Variants in ADAMTS2 observed in about 807,000 individuals in gnomAD.
ADAMTS2 encodes the protein ADAM metallopeptidase with thrombospondin type 1 motif 2.
Under a neutral mutation model 123.0 loss-of-function variants are expected in ADAMTS2, and 50 were observed. The ratio of observed to expected loss-of-function variants is 0.41; its 90% CI spans 0.32 to 0.51. The LOEUF is 0.51. ADAMTS2 is among the 20% of genes least tolerant of loss of function. The pLI is 0.35. For missense variants in ADAMTS2, 1,494 were observed against 1,705.2 expected (o/e 0.88, Z 2.18); for synonymous variants, 678 against 695.4 (o/e 0.98, Z 0.39).
Position 179,228,413 on chromosome 5 carries a change from C to T in ADAMTS2, c.689-20698G>A, listed in dbSNP as rs948085075. ...GCACCAGCCTGTTTTCTTGTCCTCT[C>T]CAGCCAGCAGGGCAGAATTGGGGGT... On this transcript the variant is annotated intron_variant, in intron 3 of 21. Transcript: ENST00000251582. This position sits in a 1 kb window ranked among gnomAD's most constrained non-coding sequence, Gnocchi z 5.2. 2.0e-5 allele frequency among the ~76,000 whole-genome samples: 3 copies of T among 152,206 alleles called. No individual in the cohort carries two copies. The East Asian group carries it at 5.8e-4, about 29-fold the overall frequency.
At chr5:179,182,908 C>T (rs757486200) in intron 4 of ADAMTS2, among the ~76,000 whole-genome samples, 1 of 152,156 alleles carries the variant, frequency 6.6e-6, no homozygotes, top group African/African-American at 2.4e-5. Flanking sequence ...CAAGATGGAG[C>T]TCCGAGGAGG....
chr5:179,188,061 C>A lies in ADAMTS2; in HGVS notation c.892-6906G>T, dbSNP rs996486044. On this transcript the variant is annotated intron_variant, in intron 4 of 21. Transcript: ENST00000251582. The surrounding 1 kb of genome is among the most constrained non-coding windows in gnomAD (Gnocchi z 5.1). ...GGGTGCAGAAAGGGGGGAACCGGTG[C>A]AGGCTCCCTACTGGGGAGGCCTACT... Among the ~76,000 whole-genome samples, 1 of 152,112 alleles carries A rather than the reference C, an allele frequency of 6.6e-6. No individual in the cohort carries two copies. The highest frequency in any genetic ancestry group is 2.4e-5 in the African/African-American group (1 of 41,434).
chr5:179,302,778 A>G (rs1309644512), intron 2 of ADAMTS2, among the ~76,000 whole-genome samples: 1 of 151,712 alleles, frequency 6.6e-6, no homozygotes, highest in African/African-American at 2.4e-5. Context: ...GGCCTAAATG[A>G]TTGGAAAGAG....
intron 2 of ADAMTS2, among the ~76,000 whole-genome samples, chr5:179,341,042 C>T (rs78032198): frequency 1.3e-5 from 2 of 152,194 alleles, no homozygotes; most frequent in Non-Finnish European, 2.9e-5. Flanking sequence ...CGTCTAGTCA[C>T]TCAACCTCCC....
chr5:179,231,829 C>T (rs923849069), intron 3 of ADAMTS2, among the ~76,000 whole-genome samples: 1 of 150,364 alleles, frequency 6.7e-6, no homozygotes, highest in African/African-American at 2.5e-5. Flanking sequence ...GGGGTAGGAT[C>T]ACTTGAGTAC....
intron 5 of ADAMTS2, among the ~76,000 whole-genome samples, chr5:179,161,689 A>G (rs1012934611): frequency 4.6e-5 from 7 of 152,216 alleles, no homozygotes; most frequent in African/African-American, 1.4e-4. Context: ...TGGACTTTGA[A>G]TGTTCCCAAC....
chr5:179,269,002 CTT>C (rs1227695862), intron 3 of ADAMTS2, among the ~76,000 whole-genome samples: 14 of 152,180 alleles, frequency 9.2e-5, no homozygotes, highest in Non-Finnish European at 1.6e-4. Flanking sequence ...CAGTAAGGCT[CTT>C]GAGATGAGAA....
At chr5:179,326,201 C>CGTGTGT (rs60626964) in intron 2 of ADAMTS2, among the ~76,000 whole-genome samples, 18,486 of 148,600 alleles carry the variant, frequency 0.12, 1,628 homozygotes, top group East Asian at 0.4. Flanking sequence ...TTTGTGTGTG[C>CGTGTGT]GTGTGTGTGT....
intron 20 of ADAMTS2, 53 bp downstream of exon 20, chr5:179,122,591 C>G (rs994072278): frequency 1.3e-5 from 20 of 1,541,300 alleles, no homozygotes; most frequent in Non-Finnish European, 1.7e-5. Flanking sequence ...CTGACACCCC[C>G]GCCCTGGGCT....
intron 5 of ADAMTS2, among the ~76,000 whole-genome samples, chr5:179,177,360 C>A (rs1007925929): frequency 7.9e-5 from 12 of 152,194 alleles, no homozygotes; most frequent in African/African-American, 2.7e-4. Context: ...TGAGACAGGT[C>A]TGTACTTTGT....
chr5:179,152,401 TG>T (rs1763378945), intron 9 of ADAMTS2, 146 bp from the exon 10 acceptor site: 1 of 811,558 alleles, frequency 1.2e-6, no homozygotes. Flanking sequence ...GTTGTGATTC[TG>T]GGGTGGTGAA....
At position 179,188,105 on chromosome 5, in the gene ADAMTS2, G is replaced by A. The variant is rs1325733428; in HGVS notation, c.892-6950C>T. 6.6e-6 allele frequency among the ~76,000 whole-genome samples: 1 copy of A among 152,200 alleles called. No individual in the cohort carries two copies. Among genetic ancestry groups the A allele is most frequent in the Non-Finnish European group, 1.5e-5 (1 of 68,032 alleles). On this transcript the variant is annotated intron_variant, in intron 4 of 21. Coordinates refer to ENST00000251582, the MANE Select transcript of ADAMTS2 (RefSeq NM_014244.5). This position sits in a 1 kb window ranked among gnomAD's most constrained non-coding sequence, Gnocchi z 5.1. ...GCCTACTGGCCTGCCAGCCACAGAG[G>A]AGACAGGCAGGGGCCCTGGAACAGC...
chr5:179,338,646 A>C (rs753869865), intron 2 of ADAMTS2, among the ~76,000 whole-genome samples: 6 of 152,176 alleles, frequency 3.9e-5, no homozygotes, highest in Non-Finnish European at 8.8e-5. Flanking sequence ...GGCCCTGACC[A>C]GGTCACGGGG....
chr5:179,311,781 C>T (rs973363760), intron 2 of ADAMTS2, among the ~76,000 whole-genome samples: 3 of 152,166 alleles, frequency 2.0e-5, no homozygotes, highest in Non-Finnish European at 4.4e-5. Flanking sequence ...TGGCTATCAC[C>T]CCCCACTCGC....
intron 4 of ADAMTS2, 36 bp downstream of exon 4, chr5:179,207,477 C>A: frequency 6.4e-6 from 5 of 783,506 alleles, no homozygotes; most frequent in African/African-American, 1.7e-5. Flanking sequence ...GTTGACCCTC[C>A]CCGCCCCACC....
chr5:179,341,432 G>A (rs531494672), intron 2 of ADAMTS2: 13 of 306,326 alleles, frequency 4.2e-5, no homozygotes, highest in Non-Finnish European at 8.3e-5. Context: ...TGGGCGCAGT[G>A]GCTCATGCCT....
intron 2 of ADAMTS2, among the ~76,000 whole-genome samples, chr5:179,325,019 T>C (rs1198378492): frequency 6.6e-6 from 1 of 152,194 alleles, no homozygotes; most frequent in South Asian, 2.1e-4. Flanking sequence ...CGACACACAC[T>C]AGGCCCTGGT....
chr5:179,122,947 A>G, intron 19 of ADAMTS2, 174 bp from the exon 20 acceptor site: 3 of 875,766 alleles, frequency 3.4e-6, no homozygotes, highest in Non-Finnish European at 5.3e-6. Context: ...GGCAGCCCCA[A>G]TCTCCTGGGG....
chr5:179,250,045 T>C (rs921579965), intron 3 of ADAMTS2, among the ~76,000 whole-genome samples: 8 of 152,156 alleles, frequency 5.3e-5, no homozygotes, highest in Non-Finnish European at 1.0e-4. Flanking sequence ...CACACAAAAA[T>C]CAATCCATAT....
Sources: allele counts gnomAD v4.1 joint callset (sites outside exome capture counted in the v4.1 genomes callset), GRCh38; gene constraint gnomAD v4.1.1; non-coding constraint Gnocchi (gnomAD v3.1); transcripts MANE v1.5; gene names NCBI Gene and HGNC (gene_info 2026-07-23, HGNC 2026-07-21).